CAMK1D: variants seen among roughly 807,000 people sequenced by gnomAD.
The protein encoded by CAMK1D is calcium/calmodulin dependent protein kinase ID.
Under a neutral mutation model 47.7 loss-of-function variants are expected in CAMK1D, and 9 were observed. That is an observed-to-expected ratio of 0.19 (90% confidence interval 0.11 to 0.33). The LOEUF (loss-of-function observed/expected upper bound fraction) is 0.33. CAMK1D is among the 10% of genes least tolerant of loss of function. The pLI is 1.00. For synonymous variants in CAMK1D, 184 were observed against 184.9 expected (o/e 0.99, Z 0.04); for missense variants, 291 against 488.7 (o/e 0.60, Z 3.81).
intron 1 of CAMK1D, among the ~76,000 whole-genome samples, chr10:12,452,725 A>C (rs1833122899): frequency 1.3e-5 from 2 of 151,996 alleles, no homozygotes; most frequent in African/African-American, 4.8e-5. Context: ...AGTTGGGATT[A>C]CAGGTATGCA....
At chr10:12,567,054 A>G (rs1448941672) in intron 2 of CAMK1D, among the ~76,000 whole-genome samples, 1 of 152,152 alleles carries the variant, frequency 6.6e-6, no homozygotes, top group Non-Finnish European at 1.5e-5. Flanking sequence ...CTTTGCTCTC[A>G]TTTGAGGTGT....
chr10:12,540,647 A>C lies in CAMK1D; in HGVS notation c.93-12578A>C, dbSNP rs190306850. On this transcript the variant is annotated intron_variant, in intron 1 of 10. Transcript: ENST00000619168. ...CTGGTGGTTTCAGACATAGGATTGT[A>C]CTCAGAATGAAAACTGATCTGGACA... Among the ~76,000 whole-genome samples, 138 of 152,374 alleles carry C rather than the reference A, an allele frequency of 9.1e-4. 1 individual carries two copies. The highest frequency in any genetic ancestry group is 1.7e-3 in the Non-Finnish European group (119 of 68,036).
chr10:12,746,363 C>CAAAAAAAAAAAAA (rs542434085), intron 3 of CAMK1D, among the ~76,000 whole-genome samples: 24 of 86,856 alleles, frequency 2.8e-4, no homozygotes, highest in African/African-American at 8.4e-4. Context: ...GACTCCGTCT[C>CAAAAAAAAAAAAA]AAAAAAAAAA....
At chr10:12,432,096 A>G (rs1302108145) in intron 1 of CAMK1D, among the ~76,000 whole-genome samples, 3 of 152,188 alleles carry the variant, frequency 2.0e-5, no homozygotes, top group South Asian at 2.1e-4. Context: ...CCAGATTCCA[A>G]GGGCTGTCTG....
chr10:12,569,719 T>C (rs1837260064), intron 2 of CAMK1D, among the ~76,000 whole-genome samples: 1 of 19,998 alleles, frequency 5.0e-5, no homozygotes, highest in Non-Finnish European at 8.6e-5. Context: ...CGAGACTCCG[T>C]CTCAAAAAAA....
At chr10:12,529,464 A>G (rs569351687) in intron 1 of CAMK1D, among the ~76,000 whole-genome samples, 2 of 152,304 alleles carry the variant, frequency 1.3e-5, no homozygotes, top group Admixed American at 1.3e-4. Context: ...CACTAGGAAT[A>G]ATTATACTGG....
At chr10:12,427,886 T>G (rs1269512412) in intron 1 of CAMK1D, among the ~76,000 whole-genome samples, 1 of 151,438 alleles carries the variant, frequency 6.6e-6, no homozygotes, top group African/African-American at 2.4e-5. Flanking sequence ...TTTTCCATTT[T>G]TAGTAGAGAC....
chr10:12,368,805 C>T (rs1414976360), intron 1 of CAMK1D, among the ~76,000 whole-genome samples: 1 of 151,124 alleles, frequency 6.6e-6, no homozygotes. Context: ...AATGAAAGGA[C>T]GTTGACTTTA....
intron 1 of CAMK1D, among the ~76,000 whole-genome samples, chr10:12,431,890 C>G (rs1164683532): frequency 6.6e-6 from 1 of 152,224 alleles, no homozygotes; most frequent in Non-Finnish European, 1.5e-5. Context: ...GACTCTTCTC[C>G]TGGCGTCACA....
chr10:12,731,693 C>G (rs994279552), intron 3 of CAMK1D, among the ~76,000 whole-genome samples: 1 of 152,042 alleles, frequency 6.6e-6, no homozygotes, highest in Non-Finnish European at 1.5e-5. Flanking sequence ...GAGAGAGCAT[C>G]GAGTTGGCAG....
intron 1 of CAMK1D, among the ~76,000 whole-genome samples, chr10:12,524,085 G>C (rs565080547): frequency 2.6e-5 from 4 of 151,716 alleles, no homozygotes; most frequent in Non-Finnish European, 5.9e-5. Context: ...GTAGAGACAG[G>C]GTTTCACGTT....
chr10:12,766,278 T>C (rs2493777), intron 4 of CAMK1D, among the ~76,000 whole-genome samples: 111,392 of 133,186 alleles, frequency 0.84, 46,144 homozygotes, highest in Middle Eastern at 0.9. Flanking sequence ...CCCCCAGCCC[T>C]GGCCCCGTGC....
intron 3 of CAMK1D, among the ~76,000 whole-genome samples, chr10:12,722,018 C>T (rs943343708): frequency 3.3e-5 from 5 of 152,062 alleles, no homozygotes; most frequent in Non-Finnish European, 5.9e-5. Context: ...TTTATAAGGG[C>T]GTTAATCCCA....
intron 1 of CAMK1D, among the ~76,000 whole-genome samples, chr10:12,532,559 G>T (rs778831286): frequency 6.6e-6 from 1 of 152,216 alleles, no homozygotes; most frequent in Admixed American, 6.5e-5. Context: ...GATTACAGGC[G>T]TGAGCCACCG....
intron 1 of CAMK1D, among the ~76,000 whole-genome samples, chr10:12,477,071 C>T (rs12251472): frequency 0.13 from 19,360 of 152,086 alleles, 1,452 homozygotes; most frequent in Non-Finnish European, 0.18. Flanking sequence ...ATGGAGTCAT[C>T]GCCAATGCCC....
chr10:12,748,389 C>T (rs928911414), intron 3 of CAMK1D, among the ~76,000 whole-genome samples: 9 of 152,114 alleles, frequency 5.9e-5, no homozygotes, highest in African/African-American at 1.9e-4. Context: ...TGGACTCTGG[C>T]TGGAGGGATG....
intron 2 of CAMK1D, among the ~76,000 whole-genome samples, chr10:12,585,634 T>G (rs1403904083): frequency 6.6e-6 from 1 of 151,418 alleles, no homozygotes; most frequent in East Asian, 1.9e-4. Context: ...GTGAAAGGGG[T>G]TTCCTTTTAT....
At chr10:12,523,210 C>T (rs1257173248) in intron 1 of CAMK1D, among the ~76,000 whole-genome samples, 1 of 151,026 alleles carries the variant, frequency 6.6e-6, no homozygotes, top group East Asian at 2.0e-4. Flanking sequence ...GAGGTGCTCC[C>T]CACATTTCAG....
At chr10:12,599,910 C>G (rs1838252784) in intron 2 of CAMK1D, among the ~76,000 whole-genome samples, 1 of 152,196 alleles carries the variant, frequency 6.6e-6, no homozygotes, top group Non-Finnish European at 1.5e-5. Flanking sequence ...AACCAACCAA[C>G]CTTTTGTCAA....
Sources: allele counts gnomAD v4.1 joint callset (sites outside exome capture counted in the v4.1 genomes callset), GRCh38; gene constraint gnomAD v4.1.1; transcripts MANE v1.5; gene names NCBI Gene and HGNC (gene_info 2026-07-23, HGNC 2026-07-21).